Variants in OR4E2 observed in about 807,000 individuals in gnomAD.
OR4E2 encodes olfactory receptor family 4 subfamily E member 2, also known as olfactory receptor 4E2.
Under a neutral mutation model 11.0 loss-of-function variants are expected in OR4E2, and 9 were observed. The observed-to-expected ratio is 0.82, with a 90% CI of 0.49 to 1.43. The LOEUF (loss-of-function observed/expected upper bound fraction) is 1.43, where lower values mean the gene tolerates loss of function less well. Among genes scored for constraint, OR4E2 ranks in the 40% most tolerant of loss-of-function variants. OR4E2 has a pLI of 0.00. For missense variants in OR4E2, 441 were observed against 382.0 expected, an observed-to-expected ratio of 1.15 and a Z score of -1.29; for synonymous variants, 159 against 147.3, an observed-to-expected ratio of 1.08 and a Z score of -0.57.
At chr14:21,659,531 T>TG (rs35853281) in intron 2 of OR4E2, among the ~76,000 whole-genome samples, 13,378 of 152,196 alleles carry the variant, frequency 0.088, 705 homozygotes, top group Middle Eastern at 0.13. Flanking sequence ...ACGTAGGCTC[T>TG]GAAAAATTCA....
chr14:21,663,056 G>A (rs886421460), intron 3 of OR4E2, among the ~76,000 whole-genome samples: 9 of 152,112 alleles, frequency 5.9e-5, no homozygotes, highest in Admixed American at 1.3e-4. Context: ...GTGAAGGAAG[G>A]CTTGAGTTCT....
In OR4E2 at chr14:21,667,397, A is replaced by G. The variant is rs557087838; in HGVS notation, c.*1373A>G. On this transcript the variant is annotated 3_prime_UTR_variant, in exon 4 of 4. Coordinates refer to ENST00000641524, the MANE Select transcript of OR4E2 (RefSeq NM_001001912.3). ...ACTAACTCTAACTAAAGAGTAATAC[A>G]TGATTACCTTTTAGTAATCAAAAGG... 6.6e-6 allele frequency: 1 copy of G among 152,188 alleles called. No individual in the cohort carries two copies. The highest frequency in any genetic ancestry group is 1.5e-5 in the Non-Finnish European group (1 of 68,022). 9.4% of individuals were successfully genotyped at this position (152,188 alleles called of 1,614,324 possible).
intron 3 of OR4E2, among the ~76,000 whole-genome samples, chr14:21,662,138 G>A (rs556329906): frequency 1.5e-4 from 8 of 54,298 alleles, no homozygotes; most frequent in South Asian, 1.3e-3. Flanking sequence ...TGTGACTTAA[G>A]TATATCTTTG....
At chr14:21,656,763 C>T (rs750190195) in intron 2 of OR4E2, among the ~76,000 whole-genome samples, 174 bp downstream of exon 2, 1 of 152,164 alleles carries the variant, frequency 6.6e-6, no homozygotes, top group Non-Finnish European at 1.5e-5. Context: ...GTTTTAACCT[C>T]TTTTCTGTCT....
rs1880626710 is a variant in OR4E2 at position 21,665,960 on chromosome 14, A to T, written c.878A>T (p.Glu293Val). ...TTCATTTACACCTTGAGGAATGAGG[A>T]GGTAAAAAGTGCCATGAAGCAGCTC... ...NPFIYTLRNE[E>V]VKSAMKQLRQ... The change falls in exon 4 of 4, where the codon GAG becomes GTG. Residue 293 changes from glutamate (E) to valine (V), a missense_variant. Transcript: ENST00000641524. 10 of 1,613,926 alleles carry T rather than the reference A, an allele frequency of 6.2e-6. No individual in the cohort carries two copies. The highest frequency in any genetic ancestry group is 8.5e-6 in the Non-Finnish European group (10 of 1,180,008).
chr14:21,665,319 T>C lies in OR4E2; in HGVS notation c.237T>C (p.Pro79=). ...TCTGCCACTCATCTGTCACTGTGCCTAAGATGTTGGAGGGTTTGCTTTTAG... is the reference window on the plus strand; with the variant it reads ...TCTGCCACTCATCTGTCACTGTGCCCAAGATGTTGGAGGGTTTGCTTTTAG... ...IDICHSSVTV[P]KMLEGLLLER... is the part of the protein sequence containing the mutation. The change falls in exon 4 of 4, where the codon CCT becomes CCC. Residue 79 remains proline (P), a synonymous_variant. Transcript: ENST00000641524. The C allele has an allele frequency of 1.2e-6, 2 of 1,614,152 alleles. No homozygotes were observed. The highest frequency in any genetic ancestry group is 1.7e-6 in the Non-Finnish European group (2 of 1,179,996).
intron 3 of OR4E2, among the ~76,000 whole-genome samples, chr14:21,663,994 T>C (rs778874895): frequency 1.3e-4 from 20 of 152,238 alleles, no homozygotes; most frequent in Non-Finnish European, 2.2e-4. Context: ...TCTTTATTCA[T>C]TCTATCATTG....
rs1880662177 is a variant in OR4E2, at chr14:21,666,572, G to A, written c.*548G>A. On this transcript the variant is annotated 3_prime_UTR_variant, in exon 4 of 4. Coordinates refer to ENST00000641524, the MANE Select transcript of OR4E2 (RefSeq NM_001001912.3). ...ATTTTGTACTTTTTTTTTGAGACAGGAATTTTTTGTACTATTCCTGCAACT... is the reference window on the plus strand; with the variant it reads ...ATTTTGTACTTTTTTTTTGAGACAGAAATTTTTTGTACTATTCCTGCAACT... 6.6e-6 allele frequency: 1 copy of A among 151,420 alleles called. No individual in the cohort carries two copies. Among genetic ancestry groups the A allele is most frequent in the Non-Finnish European group, 1.5e-5 (1 of 67,928 alleles). The allele number at this position is 151,420 out of a possible 1,614,324, so 9.4% of individuals were successfully genotyped here. A position where few individuals can be genotyped will look rare whatever the true frequency, so the allele number is the denominator to read the frequency against.
chr14:21,664,220 C>G (rs887346043), intron 3 of OR4E2, among the ~76,000 whole-genome samples: 1 of 152,342 alleles, frequency 6.6e-6, no homozygotes, highest in East Asian at 1.9e-4. Context: ...GTCCCATCAA[C>G]AGTGTAAAAA....
intron 2 of OR4E2, among the ~76,000 whole-genome samples, chr14:21,659,091 A>G (rs1222457165): frequency 6.6e-6 from 1 of 152,162 alleles, no homozygotes; most frequent in Non-Finnish European, 1.5e-5. Context: ...GCTGGCTTGC[A>G]GTGGCATGAT....
In OR4E2 at chr14:21,665,071, T is replaced by C. The variant is rs764093966; in HGVS notation, c.-8-4T>C. The C allele has an allele frequency of 6.6e-7, 1 of 1,508,408 alleles. No individual in the cohort carries two copies. The highest frequency in any genetic ancestry group is 9.1e-7 in the Non-Finnish European group (1 of 1,097,136). 93.4% of individuals were successfully genotyped at this position (1,508,408 alleles called of 1,614,324 possible). On this transcript the variant is annotated splice_region_variant and splice_polypyrimidine_tract_variant and intron_variant, in intron 3 of 3. Coordinates refer to ENST00000641524, the MANE Select transcript of OR4E2 (RefSeq NM_001001912.3). ...AAATTAGCTTTCATTTTTTCCCCCCTAAGCTCATTGAATGGACAGTCTAAA... is the reference window on the plus strand; with the variant it reads ...AAATTAGCTTTCATTTTTTCCCCCCCAAGCTCATTGAATGGACAGTCTAAA...
chr14:21,662,689 C>G (rs559823418), intron 3 of OR4E2, among the ~76,000 whole-genome samples: 1 of 152,146 alleles, frequency 6.6e-6, no homozygotes, highest in Non-Finnish European at 1.5e-5. Flanking sequence ...CGTTGGTAGG[C>G]CTTTGTCACT....
rs1318051825 is a variant in OR4E2, at chr14:21,665,729, C to T, written c.647C>T (p.Thr216Ile). The change falls in exon 4 of 4, where the codon ACC becomes ATC. Residue 216 changes from threonine to isoleucine, a missense_variant. By Grantham distance (89) the Thr-to-Ile change is moderately conservative. Transcript: ENST00000641524. ...ISLSCFLAVV[T>I]SYMVILVSLR... ...CTCTCCTGTTTCTTGGCCGTGGTCACCTCCTATATGGTCATCCTGGTTTCT... is the reference window on the plus strand; with the variant it reads ...CTCTCCTGTTTCTTGGCCGTGGTCATCTCCTATATGGTCATCCTGGTTTCT... The T allele has an allele frequency of 1.2e-6, 2 of 1,614,086 alleles. No individual in the cohort carries two copies. Among genetic ancestry groups the T allele is most frequent in the Non-Finnish European group, 1.7e-6 (2 of 1,180,048 alleles).
intron 3 of OR4E2, among the ~76,000 whole-genome samples, chr14:21,664,168 G>A (rs36087599): frequency 0.076 from 11,636 of 152,158 alleles, 636 homozygotes; most frequent in Middle Eastern, 0.13. Context: ...GATCTTTGAG[G>A]AATCACCACA....
chr14:21,663,204 G>T (rs1880430263), intron 3 of OR4E2, among the ~76,000 whole-genome samples: 1 of 152,104 alleles, frequency 6.6e-6, no homozygotes, highest in South Asian at 2.1e-4. Flanking sequence ...TTTAGTCTGG[G>T]CGCGGTGGCT....
At position 21,667,535 on chromosome 14, in the gene OR4E2, T is replaced by C. The variant is rs574496456; in HGVS notation, c.*1511T>C. The C allele has an allele frequency of 6.6e-6, 1 of 152,282 alleles. No individual in the cohort carries two copies. Among genetic ancestry groups the C allele is most frequent in the Non-Finnish European group, 1.5e-5 (1 of 68,004 alleles). 9.4% of individuals were successfully genotyped at this position (152,282 alleles called of 1,614,324 possible). ...GTAGAAAATGGTCAGTCCCCTATAA[T>C]TCTCATATAAAACTTGAGTCATAGT... On this transcript the variant is annotated 3_prime_UTR_variant, in exon 4 of 4. Transcript: ENST00000641524.
chr14:21,654,653 G>A (rs191820189), intron 1 of OR4E2, among the ~76,000 whole-genome samples: 4 of 151,656 alleles, frequency 2.6e-5, no homozygotes, highest in Admixed American at 2.0e-4. Context: ...TTCAATCTGC[G>A]TTTGGTTGAA....
rs1320217236 is a variant in OR4E2, at chr14:21,666,356, ACT to A, written c.*337_*338del. On this transcript the variant is annotated 3_prime_UTR_variant, in exon 4 of 4. Coordinates refer to ENST00000641524, the MANE Select transcript of OR4E2 (RefSeq NM_001001912.3). The stretch of plus-strand genomic sequence containing the variant: ...TCAGGAGCAGGTAGAGTGAGAATTG[ACT>A]CTCTTGATTTATACTGTTCTGTGGG... 31 of 249,178 alleles carry A rather than the reference ACT, an allele frequency of 1.2e-4. No individual in the cohort carries two copies. The highest frequency in any genetic ancestry group is 1.1e-3 in the Admixed American group (21 of 19,490). The allele number at this position is 249,178 out of a possible 1,614,324, so 15.4% of individuals were successfully genotyped here.
In OR4E2 at chr14:21,666,058, C is replaced by A; in HGVS notation, c.*34C>A. 6.8e-7 allele frequency: 1 copy of A among 1,469,094 alleles called. No homozygotes were observed. Among genetic ancestry groups the A allele is most frequent in the Non-Finnish European group, 9.4e-7 (1 of 1,061,128 alleles). 91.0% of individuals were successfully genotyped at this position (1,469,094 alleles called of 1,614,324 possible). On this transcript the variant is annotated 3_prime_UTR_variant, in exon 4 of 4. Transcript: ENST00000641524. ...GGGATTGCAGACATAATTGCAGCCA[C>A]ATCCTTAATGAAAGAGCAAAAGTAA...
Sources: allele counts gnomAD v4.1 joint callset (sites outside exome capture counted in the v4.1 genomes callset), GRCh38; gene constraint gnomAD v4.1.1; transcripts MANE v1.5; gene names NCBI Gene and HGNC (gene_info 2026-07-23, HGNC 2026-07-21).